The following USP33 variants were observed in gnomAD, a reference collection of about 807,000 sequenced individuals.
USP33 encodes ubiquitin specific peptidase 33.
In USP33, 46 loss-of-function variants were observed where a neutral mutation model predicts 124.2. That is an observed-to-expected ratio of 0.37 (90% CI 0.29 to 0.47). The LOEUF (loss-of-function observed/expected upper bound fraction) is 0.47. Among genes scored for constraint, USP33 ranks in the 20% least tolerant of loss-of-function variants. USP33 has a pLI of 0.99. For synonymous variants in USP33, 350 were observed against 352.3 expected (o/e 0.99, Z 0.07); for missense variants, 851 against 1,070.6 (o/e 0.79, Z 2.86).
chr1:77,698,795 C>T (rs1427804309), intron 22 of USP33, among the ~76,000 whole-genome samples: 1 of 152,076 alleles, frequency 6.6e-6, no homozygotes, highest in East Asian at 1.9e-4. Context: ...CCACCACGCC[C>T]GGCCCAGAAA....
intron 1 of USP33, among the ~76,000 whole-genome samples, chr1:77,753,510 A>C (rs1680535639): frequency 6.6e-6 from 1 of 152,204 alleles, no homozygotes; most frequent in South Asian, 2.1e-4. Flanking sequence ...TGTTCGCATA[A>C]AATAAGTAGA....
intron 21 of USP33, among the ~76,000 whole-genome samples, chr1:77,711,084 C>G (rs1675195869): frequency 6.6e-6 from 1 of 151,916 alleles, no homozygotes; most frequent in Non-Finnish European, 1.5e-5. Flanking sequence ...AATATTATAT[C>G]TCACAAAAGA....
intron 1 of USP33, among the ~76,000 whole-genome samples, chr1:77,744,122 CA>C (rs36110822): frequency 0.47 from 54,704 of 116,316 alleles, 11,568 homozygotes; most frequent in African/African-American, 0.66. Context: ...GACTCTGTCT[CA>C]AAAAAAAAAA....
rs992892148 is a variant in USP33, at chr1:77,748,095, A to T, written c.-51-6347T>A. ...CTGTAATGGAAAACATAAGTTTTCCATTTTTATTTTGTTTCAACCTTTCAA... is the reference window on the plus strand; with the variant it reads ...CTGTAATGGAAAACATAAGTTTTCCTTTTTTATTTTGTTTCAACCTTTCAA... On this transcript the variant is annotated intron_variant, in intron 1 of 23. Transcript: ENST00000370794. Among the ~76,000 whole-genome samples, 3 of 152,136 alleles carry T rather than the reference A, an allele frequency of 2.0e-5. No homozygotes were observed. In the South Asian group the frequency reaches 6.2e-4, roughly 32 times the overall value.
chr1:77,738,883 G>A (rs1180649262), intron 5 of USP33, among the ~76,000 whole-genome samples: 1 of 152,182 alleles, frequency 6.6e-6, no homozygotes, highest in African/African-American at 2.4e-5. Context: ...CAAAGGGGAT[G>A]GAGGGGAGGA....
At position 77,741,621 on chromosome 1, in the gene USP33, G is replaced by A. The variant is rs1421879997; in HGVS notation, c.77C>T (p.Ser26Phe). The stretch of plus-strand genomic sequence containing the variant: ...AAGAAAAAACCTGTTTCTTACAAGG[G>A]ATTTTTGTATCAAATCTTCTTTTGT... ...EITKEDLIQK[S>F]LGTCQDCKVQ... is the part of the protein sequence containing the mutation. Residue 26 changes from serine (S) to phenylalanine (F), a missense_variant, in exon 2 of 24, where the codon TCC becomes TTC. Around this residue, in one of 4 missense-constraint regions of USP33, gnomAD observed 221 missense variants for 302.9 expected, o/e 0.73. Coordinates refer to ENST00000370794, the MANE Select transcript of USP33 (RefSeq NM_201624.3). The A allele has an allele frequency of 6.3e-7, 1 of 1,585,530 alleles. No individual in the cohort carries two copies. The highest frequency in any genetic ancestry group is 8.5e-7 in the Non-Finnish European group (1 of 1,170,530).
chr1:77,718,140 G>A, intron 16 of USP33, 93 bp from the exon 17 acceptor site: 3 of 1,066,628 alleles, frequency 2.8e-6, no homozygotes, highest in Non-Finnish European at 2.7e-6. Context: ...TATTCAACAA[G>A]CAAGAAACTG....
chr1:77,721,244 C>A, intron 14 of USP33, 39 bp from the exon 15 acceptor site: 7 of 1,610,726 alleles, frequency 4.3e-6, no homozygotes, highest in Non-Finnish European at 5.9e-6. Flanking sequence ...TTCAAATTAA[C>A]AGCAAATTGC....
intron 22 of USP33, among the ~76,000 whole-genome samples, chr1:77,698,500 G>GTTTTTT (rs796138788): frequency 8.6e-6 from 1 of 116,400 alleles, no homozygotes. Context: ...GAAATGTTTT[G>GTTTTTT]TTTTTTTTTT....
chr1:77,754,366 G>A (rs368129712), intron 1 of USP33, among the ~76,000 whole-genome samples: 1 of 152,164 alleles, frequency 6.6e-6, no homozygotes, highest in South Asian at 2.1e-4. Flanking sequence ...TATCATGGAA[G>A]AAAATTGCTA....
At position 77,737,041 on chromosome 1, in the gene USP33, T is replaced by A. The variant is rs867994794; in HGVS notation, c.352-883A>T. On this transcript the variant is annotated intron_variant, in intron 5 of 23. Coordinates refer to ENST00000370794, the MANE Select transcript of USP33 (RefSeq NM_201624.3). ...GTTAGCCAAATGCTAGTAAACACTT[T>A]AAAAAAAAAAACGAAAAAAACTTTG... is the stretch of plus-strand genomic sequence containing the variant. Among the ~76,000 whole-genome samples the A allele has an allele frequency of 3.2e-3, 460 of 144,824 alleles. 1 individual carries two copies. The highest frequency in any genetic ancestry group is 0.011 in the African/African-American group (440 of 39,756).
At chr1:77,711,260 GCT>G (rs1675215431) in intron 21 of USP33, among the ~76,000 whole-genome samples, 1 of 151,908 alleles carries the variant, frequency 6.6e-6, no homozygotes, top group South Asian at 2.1e-4. Flanking sequence ...AGGAGCAGTG[GCT>G]CATGCCTATA....
intron 1 of USP33, among the ~76,000 whole-genome samples, chr1:77,748,344 A>G (rs1300981350): frequency 1.3e-5 from 2 of 152,106 alleles, no homozygotes; most frequent in African/African-American, 4.8e-5. Flanking sequence ...TATTTGCTGT[A>G]ACTTCCCTCT....
At chr1:77,722,416 CG>C (rs1676672862) in intron 12 of USP33, 1 of 448,828 alleles carries the variant, frequency 2.2e-6, no homozygotes, top group African/African-American at 2.0e-5. Context: ...GGTATCTTCA[CG>C]TAAGTCCTGT....
intron 5 of USP33, among the ~76,000 whole-genome samples, chr1:77,737,161 T>C (rs1435680012): frequency 6.6e-6 from 1 of 152,126 alleles, no homozygotes. Flanking sequence ...TGAACCAACA[T>C]TCAGCAACAC....
chr1:77,698,113 T>G (rs1227395342), intron 22 of USP33, among the ~76,000 whole-genome samples, 182 bp from the exon 23 acceptor site: 1 of 151,436 alleles, frequency 6.6e-6, no homozygotes, highest in Non-Finnish European at 1.5e-5. Context: ...TTGCCCAGGC[T>G]GGAGTGCAGT....
intron 9 of USP33, among the ~76,000 whole-genome samples, chr1:77,729,572 G>A (rs1557846518): frequency 6.6e-6 from 1 of 152,102 alleles, no homozygotes; most frequent in Non-Finnish European, 1.5e-5. Context: ...TCAGAAGGCT[G>A]AGGCAGGAGA....
chr1:77,719,144 A>C (rs1676272472), intron 15 of USP33, among the ~76,000 whole-genome samples: 1 of 150,274 alleles, frequency 6.7e-6, no homozygotes, highest in Non-Finnish European at 1.5e-5. Context: ...GCCGATCATA[A>C]GGTCAGGAGA....
At chr1:77,717,053 G>A (rs1172100688) in intron 17 of USP33, among the ~76,000 whole-genome samples, 1 of 151,806 alleles carries the variant, frequency 6.6e-6, no homozygotes, top group Non-Finnish European at 1.5e-5. Context: ...TTTTAGTAGA[G>A]ACGGGGTTTC....
Sources: gnomAD v4.1 joint callset for allele counts (sites outside exome capture counted in the v4.1 genomes callset) on GRCh38, gnomAD v4.1.1 for gene constraint, gnomAD v4.1.1 regional missense constraint, MANE v1.5 for transcripts, NCBI Gene and HGNC (gene_info 2026-07-23, HGNC 2026-07-21) for gene names.